RTN1: variants seen among roughly 807,000 people sequenced by gnomAD.
RTN1 encodes reticulon 1, also known as reticulon-1.
Under a neutral mutation model 65.5 loss-of-function variants are expected in RTN1, and 25 were observed. The ratio of observed to expected loss-of-function variants is 0.38; its 90% CI spans 0.28 to 0.53. The LOEUF is 0.53. RTN1 is among the 20% of genes least tolerant of loss of function. RTN1 has a pLI of 0.79. For synonymous variants in RTN1, 471 were observed against 447.6 expected (o/e 1.05, Z -0.66); for missense variants, 983 against 1,025.4 (o/e 0.96, Z 0.57).
At chr14:59,780,774 G>A (rs1425067884) in intron 1 of RTN1, among the ~76,000 whole-genome samples, 2 of 152,158 alleles carry the variant, frequency 1.3e-5, no homozygotes, top group Non-Finnish European at 2.9e-5. Context: ...GAATCCAATT[G>A]TATCATAGAG....
chr14:59,749,478 T>C (rs1364652958), intron 1 of RTN1, among the ~76,000 whole-genome samples: 2 of 69,838 alleles, frequency 2.9e-5, no homozygotes, highest in African/African-American at 7.6e-5. Context: ...TCTATCTATA[T>C]ATCTATATAT....
chr14:59,627,312 G>A (rs891247945), intron 3 of RTN1, among the ~76,000 whole-genome samples: 5 of 152,230 alleles, frequency 3.3e-5, no homozygotes, highest in South Asian at 2.1e-4. Context: ...GGAAGTGAGG[G>A]TCTCTGGAGA....
intron 3 of RTN1, among the ~76,000 whole-genome samples, chr14:59,664,889 T>C (rs1883333795): frequency 6.6e-6 from 1 of 152,196 alleles, no homozygotes; most frequent in African/African-American, 2.4e-5. Flanking sequence ...AGGATAATTA[T>C]ATGTTTCATT....
intron 3 of RTN1, chr14:59,646,836 A>G (rs531616550): frequency 6.5e-5 from 10 of 153,334 alleles, no homozygotes; most frequent in Non-Finnish European, 1.3e-4. Context: ...AAAAAAAAAC[A>G]CAAGTACAGA....
chr14:59,865,789 C>T (rs1221098554), intron 1 of RTN1, among the ~76,000 whole-genome samples: 2 of 152,184 alleles, frequency 1.3e-5, no homozygotes, highest in African/African-American at 4.8e-5. Context: ...GTTTTCAAAA[C>T]TCCCTTAGTC....
At chr14:59,624,194 T>G (rs1882330390) in intron 3 of RTN1, among the ~76,000 whole-genome samples, 1 of 152,226 alleles carries the variant, frequency 6.6e-6, no homozygotes, top group Non-Finnish European at 1.5e-5. Flanking sequence ...TTGCTCAGCT[T>G]GAACTTAAAG....
Position 59,870,595 on chromosome 14 carries a change from C to T in RTN1, c.36G>A (p.Leu12=). The change falls in exon 1 of 9, where the codon CTG becomes CTA. Residue 12 remains leucine, a synonymous_variant. Transcript: ENST00000267484. This position sits in a 1 kb window ranked among gnomAD's most constrained non-coding sequence, Gnocchi z 5.1. The stretch of plus-strand genomic sequence containing the variant: ...ACTGGGACCCGGGGCCGGCCAGCGG[C>T]AGCAGCTCGTCCTGCGGATCCCCCG... ...AAPGDPQDEL[L]PLAGPGSQWL... is the part of the protein sequence containing the mutation. 6.9e-7 allele frequency: 1 copy of T among 1,443,854 alleles called. No homozygotes were observed. The highest frequency in any genetic ancestry group is 9.1e-7 in the Non-Finnish European group (1 of 1,103,126). 89.4% of individuals were successfully genotyped at this position (1,443,854 alleles called of 1,614,324 possible). A position where few individuals can be genotyped will look rare whatever the true frequency, so the allele number is the denominator to read the frequency against.
chr14:59,618,639 T>C (rs910590678), intron 3 of RTN1, among the ~76,000 whole-genome samples: 3 of 152,258 alleles, frequency 2.0e-5, no homozygotes, highest in African/African-American at 7.2e-5. Context: ...GTTACACTTG[T>C]ATCTTGGCTA....
chr14:59,749,125 G>T (rs202191741), intron 1 of RTN1, among the ~76,000 whole-genome samples: 6,622 of 40,308 alleles, frequency 0.16, 839 homozygotes, highest in African/African-American at 0.34. Flanking sequence ...TATATATATA[G>T]ATATATCTAT....
At chr14:59,690,782 G>A (rs1336325545) in intron 3 of RTN1, among the ~76,000 whole-genome samples, 1 of 151,942 alleles carries the variant, frequency 6.6e-6, no homozygotes, top group Non-Finnish European at 1.5e-5. Flanking sequence ...TAAACACCAA[G>A]AAGATCTCTC....
chr14:59,689,968 T>C (rs1485884002), intron 3 of RTN1, among the ~76,000 whole-genome samples: 1 of 139,194 alleles, frequency 7.2e-6, no homozygotes, highest in Admixed American at 7.4e-5. Flanking sequence ...TCAATATTAA[T>C]CTTGAATGTA....
rs528366752 is a variant in RTN1 at position 59,825,780 on chromosome 14, C to T, written c.241+44610G>A. The stretch of plus-strand genomic sequence containing the variant: ...TTTAGAGAAAATAAAACATAGACCT[C>T]GGGTATGCCATAGAAACTAAATGGC... On this transcript the variant is annotated intron_variant, in intron 1 of 8. Coordinates refer to ENST00000267484, the MANE Select transcript of RTN1 (RefSeq NM_021136.3). The surrounding 1 kb of genome is among the most constrained non-coding windows in gnomAD (Gnocchi z 4.2). 6.6e-6 allele frequency among the ~76,000 whole-genome samples: 1 copy of T among 152,130 alleles called. No homozygotes were observed. The highest frequency in any genetic ancestry group is 2.1e-4 in the South Asian group (1 of 4,820).
At chr14:59,681,287 A>C (rs1208264616) in intron 3 of RTN1, among the ~76,000 whole-genome samples, 1 of 152,154 alleles carries the variant, frequency 6.6e-6, no homozygotes, top group Non-Finnish European at 1.5e-5. Context: ...TCTAACAAAA[A>C]CAAGTCAGTT....
intron 3 of RTN1, among the ~76,000 whole-genome samples, chr14:59,700,233 G>A (rs1370759965): frequency 6.6e-6 from 1 of 152,020 alleles, no homozygotes; most frequent in Non-Finnish European, 1.5e-5. Flanking sequence ...AAATTAAATA[G>A]GGCCTAAATA....
intron 8 of RTN1, among the ~76,000 whole-genome samples, chr14:59,602,147 C>A (rs1595107116): frequency 6.6e-6 from 1 of 152,098 alleles, no homozygotes; most frequent in Non-Finnish European, 1.5e-5. Flanking sequence ...AGCAGAGGAA[C>A]TTTAATGTGA....
At chr14:59,623,447 C>A (rs112104516) in intron 3 of RTN1, among the ~76,000 whole-genome samples, 1 of 152,310 alleles carries the variant, frequency 6.6e-6, no homozygotes, top group African/African-American at 2.4e-5. Flanking sequence ...TCTTGTAAAG[C>A]CAAGGCTCAC....
At position 59,675,747 on chromosome 14, in the gene RTN1, A is replaced by G. The variant is rs73309669; in HGVS notation, c.1765+51172T>C. The stretch of plus-strand genomic sequence containing the variant: ...TGAAACTCAGGGGTATCCAATTCCA[A>G]CACCCAGGGATCCCAGCCAGATTAT... On this transcript the variant is annotated intron_variant, in intron 3 of 8. Coordinates refer to ENST00000267484, the MANE Select transcript of RTN1 (RefSeq NM_021136.3). Among the ~76,000 whole-genome samples the G allele has an allele frequency of 2.9e-3, 442 of 152,178 alleles. 1 individual carries two copies. The highest frequency in any genetic ancestry group is 0.01 in the African/African-American group (433 of 41,530).
intron 3 of RTN1, chr14:59,630,432 A>C (rs1882515574): frequency 6.2e-7 from 1 of 1,613,226 alleles, no homozygotes; most frequent in East Asian, 2.2e-5. Context: ...GCACTACTGA[A>C]ATAAAGAGAA....
At chr14:59,660,779 A>G (rs1428101034) in intron 3 of RTN1, among the ~76,000 whole-genome samples, 2 of 152,194 alleles carry the variant, frequency 1.3e-5, no homozygotes, top group South Asian at 2.1e-4. Flanking sequence ...CAAAAAAGAA[A>G]CCAGGAAAGA....
Sources: gnomAD v4.1 joint callset for allele counts (sites outside exome capture counted in the v4.1 genomes callset) on GRCh38, gnomAD v4.1.1 for gene constraint, Gnocchi (gnomAD v3.1) non-coding constraint, MANE v1.5 for transcripts, NCBI Gene and HGNC (gene_info 2026-07-23, HGNC 2026-07-21) for gene names.